The following HHAT variants were observed in gnomAD, a reference collection of about 807,000 sequenced individuals.
HHAT encodes the protein protein-cysteine N-palmitoyltransferase HHAT.
Under a neutral mutation model 70.8 loss-of-function variants are expected in HHAT, and 47 were observed. The ratio of observed to expected loss-of-function variants is 0.66; its 90% CI spans 0.53 to 0.85. The LOEUF (loss-of-function observed/expected upper bound fraction) is 0.85, where lower values mean the gene tolerates loss of function less well. Among genes scored for constraint, HHAT ranks in the 40% least tolerant of loss-of-function variants. The probability of loss-of-function intolerance (pLI) is 0.00; values close to 1 mark genes in which losing one functional copy is unlikely to be tolerated. For synonymous variants in HHAT, 228 were observed against 247.6 expected, an observed-to-expected ratio of 0.92 and a Z score of 0.74; for missense variants, 609 against 604.8, an observed-to-expected ratio of 1.01 and a Z score of -0.07.
chr1:210,451,257 C>T lies in HHAT; in HGVS notation c.857-13248C>T, dbSNP rs75546178. Among the ~76,000 whole-genome samples the T allele has an allele frequency of 7.8e-3, 1,194 of 152,208 alleles. 19 individuals are homozygous for T. Among genetic ancestry groups the T allele is most frequent in the African/African-American group, 0.026 (1,094 of 41,526 alleles). On this transcript the variant is annotated intron_variant, in intron 7 of 11. Transcript: ENST00000261458. ...CTAGCAGAGCATTGTTTCTTCACAA[C>T]TAAGTTGTGCTTATCAAAATGATAG... is the stretch of plus-strand genomic sequence containing the variant.
At chr1:210,523,833 C>T (rs4845039) in intron 9 of HHAT, among the ~76,000 whole-genome samples, 22,333 of 152,196 alleles carry the variant, frequency 0.15, 1,780 homozygotes, top group East Asian at 0.24. Context: ...ATTAAGTGCC[C>T]TAAGTACTAT....
chr1:210,349,163 G>A (rs963657426), intron 2 of HHAT, 97 bp downstream of exon 2: 42 of 1,289,148 alleles, frequency 3.3e-5, no homozygotes, highest in Non-Finnish European at 4.2e-5. Context: ...ATCCAATAGT[G>A]TCAAGATGAT....
intron 3 of HHAT, among the ~76,000 whole-genome samples, chr1:210,366,141 G>A (rs962602945): frequency 2.0e-5 from 3 of 151,958 alleles, no homozygotes; most frequent in African/African-American, 2.4e-5. Flanking sequence ...TATTACCCAG[G>A]CTGGTCTTGA....
At chr1:210,657,089 C>A (rs1414428515) in intron 11 of HHAT, among the ~76,000 whole-genome samples, 1 of 152,180 alleles carries the variant, frequency 6.6e-6, no homozygotes, top group Non-Finnish European at 1.5e-5. Context: ...CAGTCAAGTT[C>A]TTTTTGAAGA....
chr1:210,482,014 G>A (rs2501886), intron 8 of HHAT, among the ~76,000 whole-genome samples: 75,947 of 151,930 alleles, frequency 0.5, 20,600 homozygotes, highest in East Asian at 0.76. Flanking sequence ...AGACGAGGGT[G>A]GGGGAGTGGA....
At chr1:210,555,326 A>T (rs1253640940) in intron 9 of HHAT, among the ~76,000 whole-genome samples, 1 of 152,170 alleles carries the variant, frequency 6.6e-6, no homozygotes, top group African/African-American at 2.4e-5. Flanking sequence ...CAGGAAGAGA[A>T]AGCGTCAGCC....
upstream of HHAT, among the ~76,000 whole-genome samples, chr1:210,328,706 G>A (rs1249942666): frequency 2.0e-5 from 3 of 152,264 alleles, no homozygotes; most frequent in Non-Finnish European, 4.4e-5. Context: ...ACGGGTGGGG[G>A]AGAGATATGC....
chr1:210,410,683 C>A (rs377046051), intron 6 of HHAT, among the ~76,000 whole-genome samples: 4 of 152,030 alleles, frequency 2.6e-5, no homozygotes, highest in Non-Finnish European at 4.4e-5. Context: ...CCTGCCACCA[C>A]GCCCAGCTAA....
intron 11 of HHAT, among the ~76,000 whole-genome samples, chr1:210,626,692 T>G (rs552252522): frequency 3.3e-5 from 5 of 152,322 alleles, no homozygotes; most frequent in Non-Finnish European, 7.3e-5. Context: ...GGATTTCATT[T>G]CATAACTAAT....
chr1:210,475,737 A>G (rs1193625203), intron 8 of HHAT, among the ~76,000 whole-genome samples: 4 of 152,168 alleles, frequency 2.6e-5, no homozygotes, highest in African/African-American at 9.7e-5. Flanking sequence ...TGTAGGGCGA[A>G]TGGCGTATTC....
intron 8 of HHAT, among the ~76,000 whole-genome samples, chr1:210,467,003 C>T (rs2094121486): frequency 1.3e-5 from 2 of 152,148 alleles, no homozygotes; most frequent in South Asian, 2.1e-4. Context: ...GGAATGATGT[C>T]GTTCTAAAAA....
intron 6 of HHAT, among the ~76,000 whole-genome samples, chr1:210,415,938 T>C (rs1299258577): frequency 2.0e-5 from 3 of 152,068 alleles, no homozygotes; most frequent in Non-Finnish European, 2.9e-5. Context: ...GGATTATAGA[T>C]GTGAGCCACC....
At chr1:210,469,750 C>T (rs933041829) in intron 8 of HHAT, among the ~76,000 whole-genome samples, 1 of 152,088 alleles carries the variant, frequency 6.6e-6, no homozygotes, top group African/African-American at 2.4e-5. Flanking sequence ...CTCATAGTGG[C>T]CTCTACCTCC....
chr1:210,637,173 G>T (rs1342139915), intron 11 of HHAT, among the ~76,000 whole-genome samples: 1 of 152,124 alleles, frequency 6.6e-6, no homozygotes, highest in East Asian at 1.9e-4. Context: ...TCTGCCACAT[G>T]GCCCCATTTT....
intron 11 of HHAT, 50 bp from the exon 12 acceptor site, chr1:210,674,238 C>T (rs527941114): frequency 3.4e-6 from 5 of 1,491,614 alleles, no homozygotes; most frequent in Admixed American, 1.7e-5. Flanking sequence ...GTGGGATGTC[C>T]TGCCCCAAGC....
At chr1:210,406,333 C>T (rs2092328612) in intron 6 of HHAT, among the ~76,000 whole-genome samples, 1 of 152,072 alleles carries the variant, frequency 6.6e-6, no homozygotes, top group Non-Finnish European at 1.5e-5. Context: ...TAAGCTTTGC[C>T]TGTATGCTCT....
intron 9 of HHAT, among the ~76,000 whole-genome samples, chr1:210,526,371 T>TGTTTTGTTTTGTTTTGTTTTGTTTTG (rs201994589): frequency 1.3e-5 from 2 of 150,156 alleles, no homozygotes; most frequent in Admixed American, 6.7e-5. Context: ...GGTTCTGTTT[T>TGTTTTGTTTTGTTTTGTTTTGTTTTG]TTTTTTTGCC....
chr1:210,478,670 G>A (rs1453404029), intron 8 of HHAT, among the ~76,000 whole-genome samples: 2 of 152,046 alleles, frequency 1.3e-5, no homozygotes, highest in Middle Eastern at 3.2e-3. Context: ...GGGACTCTTC[G>A]GCCCTTTTCC....
chr1:210,421,314 AC>A (rs2092897225), intron 7 of HHAT, among the ~76,000 whole-genome samples: 1 of 152,150 alleles, frequency 6.6e-6, no homozygotes, highest in African/African-American at 2.4e-5. Context: ...AAAATAGAGA[AC>A]CCAGAAATTC....
Sources: allele counts gnomAD v4.1 joint callset (sites outside exome capture counted in the v4.1 genomes callset), GRCh38; gene constraint gnomAD v4.1.1; transcripts MANE v1.5; gene names NCBI Gene and HGNC (gene_info 2026-07-23, HGNC 2026-07-21).